The following PARM1 variants were observed in gnomAD, a reference collection of about 807,000 sequenced individuals.
PARM1 encodes WSC4, cell wall integrity and stress response component 4 homolog.
A neutral mutation model predicts 24.6 loss-of-function variants in PARM1; 14 were observed. That is an observed-to-expected ratio of 0.57 (90% CI 0.38 to 0.89). The LOEUF (loss-of-function observed/expected upper bound fraction) is 0.89. Among genes scored for constraint, PARM1 ranks in the 40% least tolerant of loss-of-function variants. The pLI, the probability that PARM1 is intolerant of heterozygous loss-of-function variation, is 0.00. For synonymous variants in PARM1, 179 were observed against 156.6 expected, an observed-to-expected ratio of 1.14 and a Z score of -1.07; for missense variants, 362 against 380.4, an observed-to-expected ratio of 0.95 and a Z score of 0.40.
intron 1 of PARM1, among the ~76,000 whole-genome samples, chr4:75,010,050 C>T (rs1336671384): frequency 1.3e-5 from 2 of 152,156 alleles, no homozygotes; most frequent in Admixed American, 6.5e-5. Context: ...GATATTTGTT[C>T]ACCCACGTTC....
chr4:74,950,782 C>T (rs921477364), intron 1 of PARM1, among the ~76,000 whole-genome samples: 3 of 150,812 alleles, frequency 2.0e-5, no homozygotes, highest in Non-Finnish European at 4.4e-5. Flanking sequence ...ATTTATTGCT[C>T]TTGATGAGAC....
At chr4:75,041,275 T>C (rs1304654515) in intron 3 of PARM1, among the ~76,000 whole-genome samples, 1 of 152,232 alleles carries the variant, frequency 6.6e-6, no homozygotes, top group Non-Finnish European at 1.5e-5. Flanking sequence ...CAGTGACAGC[T>C]GCATCAAACA....
At chr4:74,977,219 A>G (rs1159440663) in intron 1 of PARM1, among the ~76,000 whole-genome samples, 1 of 152,206 alleles carries the variant, frequency 6.6e-6, no homozygotes. Context: ...ATGATAAAAC[A>G]TTATGGGAGC....
chr4:75,007,935 A>C (rs559855796), intron 1 of PARM1, among the ~76,000 whole-genome samples: 1 of 152,372 alleles, frequency 6.6e-6, no homozygotes, highest in South Asian at 2.1e-4. Flanking sequence ...ACTGAATCAG[A>C]CAGCACTTTG....
chr4:74,972,406 G>T (rs1186487923), intron 1 of PARM1, among the ~76,000 whole-genome samples: 1 of 152,016 alleles, frequency 6.6e-6, no homozygotes, highest in Admixed American at 6.6e-5. Flanking sequence ...CCTTTATTTG[G>T]CACTGAGTTA....
intron 1 of PARM1, among the ~76,000 whole-genome samples, chr4:74,952,618 G>T (rs1721548787): frequency 6.6e-6 from 1 of 152,140 alleles, no homozygotes; most frequent in Admixed American, 6.5e-5. Context: ...TGTAAGGAAG[G>T]GGTCCAGTTT....
At chr4:75,038,439 A>G (rs1723413079) in intron 3 of PARM1, among the ~76,000 whole-genome samples, 2 of 152,212 alleles carry the variant, frequency 1.3e-5, no homozygotes, top group Non-Finnish European at 1.5e-5. Flanking sequence ...GTAACCACCA[A>G]CACATAGGCT....
At chr4:74,950,250 G>A (rs948221374) in intron 1 of PARM1, among the ~76,000 whole-genome samples, 4 of 152,114 alleles carry the variant, frequency 2.6e-5, no homozygotes, top group Admixed American at 6.5e-5. Flanking sequence ...CATATTCTCC[G>A]ACACTTCTGG....
At chr4:74,953,394 T>C (rs546014813) in intron 1 of PARM1, among the ~76,000 whole-genome samples, 1 of 152,244 alleles carries the variant, frequency 6.6e-6, no homozygotes, top group African/African-American at 2.4e-5. Flanking sequence ...CAAACAAAGC[T>C]CCTTGATGAG....
chr4:75,010,624 A>G (rs1722853984), intron 1 of PARM1, among the ~76,000 whole-genome samples: 3 of 152,350 alleles, frequency 2.0e-5, no homozygotes, highest in Admixed American at 2.0e-4. Context: ...GGAAGAGGTG[A>G]CACAATCAAA....
chr4:74,986,002 C>T (rs1040634842), intron 1 of PARM1, among the ~76,000 whole-genome samples: 1 of 152,134 alleles, frequency 6.6e-6, no homozygotes, highest in Non-Finnish European at 1.5e-5. Context: ...CTCCTGACCT[C>T]GTGATCCACC....
intron 1 of PARM1, among the ~76,000 whole-genome samples, chr4:74,971,260 CA>C (rs979264718): frequency 5.3e-5 from 8 of 152,110 alleles, no homozygotes; most frequent in African/African-American, 1.9e-4. Context: ...AGAGTGTGTA[CA>C]GGGGAGCTGC....
intron 1 of PARM1, among the ~76,000 whole-genome samples, chr4:74,938,444 G>A (rs1264871946): frequency 1.3e-5 from 2 of 152,110 alleles, no homozygotes; most frequent in Non-Finnish European, 2.9e-5. Flanking sequence ...TATTTGTCTT[G>A]TTCATAAGAT....
At chr4:74,992,189 T>C (rs1722491103) in intron 1 of PARM1, among the ~76,000 whole-genome samples, 1 of 152,098 alleles carries the variant, frequency 6.6e-6, no homozygotes, top group African/African-American at 2.4e-5. Context: ...CTGTTCCTTT[T>C]GGGTTTTTAT....
rs193065116 is a variant in PARM1, at chr4:74,984,445, C to T, written c.44-27980C>T. On this transcript the variant is annotated intron_variant, in intron 1 of 3. Transcript: ENST00000307428. The stretch of plus-strand genomic sequence containing the variant: ...AGGAGTTCAATATCTACACACATAC[C>T]TGTAACCTATTCTTGGTACCATGTC... Among the ~76,000 whole-genome samples, 508 of 152,284 alleles carry T rather than the reference C, an allele frequency of 3.3e-3. 6 individuals carry two copies. Among genetic ancestry groups the T allele is most frequent in the African/African-American group, 0.011 (473 of 41,542 alleles).
chr4:74,941,268 G>GA (rs1721304124), intron 1 of PARM1, among the ~76,000 whole-genome samples: 1 of 152,292 alleles, frequency 6.6e-6, no homozygotes, highest in Non-Finnish European at 1.5e-5. Context: ...CAGAGCACAA[G>GA]AAAAAATATT....
rs536396441 is a variant in PARM1, at chr4:74,956,754, A to G, written c.43+23384A>G. On this transcript the variant is annotated intron_variant, in intron 1 of 3. Transcript: ENST00000307428. ...GTATTTACTCTATAATCTTTTGCCA[A>G]TGTTAAACCTTTTTTCTGAGTAGGT... 5.9e-5 allele frequency: 9 copies of G among 152,322 alleles called. No homozygotes were observed. In the South Asian group the frequency reaches 6.2e-4, roughly 11 times the overall value. The allele number at this position is 152,322 out of a possible 1,614,324, so 9.4% of individuals were successfully genotyped here. A position where few individuals can be genotyped will look rare whatever the true frequency, so the allele number is the denominator to read the frequency against.
At chr4:75,015,130 T>G (rs182835546) in intron 2 of PARM1, among the ~76,000 whole-genome samples, 1 of 152,216 alleles carries the variant, frequency 6.6e-6, no homozygotes, top group Non-Finnish European at 1.5e-5. Context: ...AGCAGATTGA[T>G]ATTCCTGACC....
At position 75,042,339 on chromosome 4, in the gene PARM1, C is replaced by T. The variant is rs1024649764; in HGVS notation, c.849-3824C>T. On this transcript the variant is annotated intron_variant, in intron 3 of 3. Coordinates refer to ENST00000307428, the MANE Select transcript of PARM1 (RefSeq NM_015393.4). ...AAAACATGGCTATATTGAATCAGTG[C>T]CAGTCTTTATTAAGACTTTTAGTAA... Among the ~76,000 whole-genome samples the T allele has an allele frequency of 7.2e-5, 11 of 152,186 alleles. 1 individual carries two copies. Among genetic ancestry groups the T allele is most frequent in the African/African-American group, 2.7e-4 (11 of 41,450 alleles).
Sources: allele counts gnomAD v4.1 joint callset (sites outside exome capture counted in the v4.1 genomes callset), GRCh38; gene constraint gnomAD v4.1.1; transcripts MANE v1.5; gene names NCBI Gene and HGNC (gene_info 2026-07-23, HGNC 2026-07-21).